Variants in MYT1 observed in about 807,000 individuals in gnomAD.
MYT1 encodes myelin transcription factor I.
Under a neutral mutation model 123.0 loss-of-function variants are expected in MYT1, and 23 were observed. That is an observed-to-expected ratio of 0.19 (90% CI 0.13 to 0.26). The LOEUF is 0.26. MYT1 is among the 10% of genes least tolerant of loss of function. MYT1 has a pLI of 1.00. For missense variants in MYT1, 1,125 were observed against 1,472.5 expected (o/e 0.76, Z 3.86); for synonymous variants, 518 against 575.3 (o/e 0.90, Z 1.43).
rs1190011293 is a variant in MYT1 at position 64,240,737 on chromosome 20, G to A, written c.*289G>A. ...GAAGAGCAGCTCAAAGTCTCCAGTGGAAGCTCATGGACAAGGTTCTCAGGG... is the reference window on the plus strand; with the variant it reads ...GAAGAGCAGCTCAAAGTCTCCAGTGAAAGCTCATGGACAAGGTTCTCAGGG... On this transcript the variant is annotated 3_prime_UTR_variant, in exon 23 of 23. Coordinates refer to ENST00000328439, the MANE Select transcript of MYT1 (RefSeq NM_004535.3). 6.1e-6 allele frequency: 2 copies of A among 329,464 alleles called. No individual in the cohort carries two copies. Among genetic ancestry groups the A allele is most frequent in the Non-Finnish European group, 1.1e-5 (2 of 179,904 alleles). The allele number at this position is 329,464 out of a possible 1,614,324, so 20.4% of individuals were successfully genotyped here.
intron 18 of MYT1, among the ~76,000 whole-genome samples, chr20:64,229,470 G>A (rs549838889): frequency 3.3e-5 from 5 of 152,300 alleles, no homozygotes; most frequent in Admixed American, 1.3e-4. Flanking sequence ...TTCTGCAGCC[G>A]AGTGGAGACT....
At position 64,186,175 on chromosome 20, in the gene MYT1, A is replaced by G. The variant is rs905376893; in HGVS notation, c.-98-3888A>G. Among the ~76,000 whole-genome samples, 1 of 151,868 alleles carries G rather than the reference A, an allele frequency of 6.6e-6. No homozygotes were observed. The highest frequency in any genetic ancestry group is 1.5e-5 in the Non-Finnish European group (1 of 67,958). ...TGCCCACAAGAGCCCCATAAAAGTG[A>G]GTGTGGGGCCACCATGGGGACAGAT... On this transcript the variant is annotated intron_variant, in intron 1 of 22. Coordinates refer to ENST00000328439, the MANE Select transcript of MYT1 (RefSeq NM_004535.3). The surrounding 1 kb of genome is among the most constrained non-coding windows in gnomAD (Gnocchi z 4.3).
intron 16 of MYT1, among the ~76,000 whole-genome samples, chr20:64,225,727 G>A (rs989706027): frequency 6.6e-6 from 1 of 152,138 alleles, no homozygotes; most frequent in Non-Finnish European, 1.5e-5. Context: ...GACCCTGGGG[G>A]TCCACAGAGC....
chr20:64,165,645 G>A (rs1215093287), intron 1 of MYT1, among the ~76,000 whole-genome samples: 2 of 152,138 alleles, frequency 1.3e-5, no homozygotes, highest in Admixed American at 1.3e-4. Flanking sequence ...TGAATCAGTG[G>A]ACACCATTGG....
At chr20:64,195,354 CTGTGTGTGTGTGTGTGTGTG>C (rs5741790) in intron 2 of MYT1, among the ~76,000 whole-genome samples, 7 of 98,846 alleles carry the variant, frequency 7.1e-5, no homozygotes, top group Non-Finnish European at 9.6e-5. Flanking sequence ...ATGGTGAGAA[CTGTGTGTGTGTGTGTGTGTG>C]TGTGTGTGTG....
chr20:64,220,884 C>T (rs1019343865), intron 13 of MYT1, among the ~76,000 whole-genome samples: 1 of 134,504 alleles, frequency 7.4e-6, no homozygotes, highest in Non-Finnish European at 1.6e-5. Context: ...GGATCAGGCC[C>T]CTATGAAGGG....
At chr20:64,183,910 T>G (rs538198179) in intron 1 of MYT1, among the ~76,000 whole-genome samples, 2 of 152,246 alleles carry the variant, frequency 1.3e-5, no homozygotes, top group South Asian at 4.1e-4. Flanking sequence ...AACCTCCACC[T>G]CCCAGGTTCA....
chr20:64,225,945 T>C (rs1473198501), intron 16 of MYT1, among the ~76,000 whole-genome samples: 2 of 152,190 alleles, frequency 1.3e-5, no homozygotes, highest in African/African-American at 4.8e-5. Flanking sequence ...GTATCTCCTC[T>C]GCTGTTGATG....
chr20:64,236,602 T>C lies in MYT1; in HGVS notation c.2945T>C (p.Leu982Pro). ...ACCTTTGCTGGAAAGAAGGGAAAAC[T>C]GTCAGGGGATGAGGTCCTCAGTCCA... ...RATFAGKKGK[L>P]SGDEVLSPKF... Residue 982 changes from leucine (L) to proline (P), a missense_variant, in exon 20 of 23, where the codon CTG (leucine) becomes CCG (proline). Leu to Pro is a moderately conservative substitution (Grantham distance 98). Transcript: ENST00000328439. The C allele has an allele frequency of 6.2e-7, 1 of 1,613,728 alleles. No individual in the cohort carries two copies. Among genetic ancestry groups the C allele is most frequent in the South Asian group, 1.1e-5 (1 of 91,082 alleles).
intron 1 of MYT1, among the ~76,000 whole-genome samples, chr20:64,180,353 G>A (rs1311628418): frequency 6.6e-6 from 1 of 152,156 alleles, no homozygotes; most frequent in Non-Finnish European, 1.5e-5. Context: ...TCATTCTAAG[G>A]TTCTGCCTTT....
At chr20:64,221,213 T>C (rs1002788310) in intron 13 of MYT1, among the ~76,000 whole-genome samples, 2 of 152,164 alleles carry the variant, frequency 1.3e-5, no homozygotes, top group African/African-American at 4.8e-5. Flanking sequence ...TGCGAGTGCC[T>C]GTCAGGACAG....
chr20:64,222,030 A>G lies in MYT1; in HGVS notation c.2379A>G (p.Ile793Met), dbSNP rs1292375400. 1 of 1,612,806 alleles carries G rather than the reference A, an allele frequency of 6.2e-7. No homozygotes were observed. The highest frequency in any genetic ancestry group is 8.5e-7 in the Non-Finnish European group (1 of 1,179,974). ...NFKLKFLSKD[I>M]KKELLTCPTP... ...AGCTGAAGTTTCTCTCCAAGGACAT[A>G]AAGAAGGAGCTGCTCACGTAAGTCC... Residue 793 changes from isoleucine to methionine, a missense_variant, in exon 14 of 23, where the codon ATA (isoleucine) becomes ATG (methionine). Transcript: ENST00000328439.
At chr20:64,229,405 A>G (rs1004181949) in intron 18 of MYT1, among the ~76,000 whole-genome samples, 9 of 152,198 alleles carry the variant, frequency 5.9e-5, no homozygotes, top group African/African-American at 2.2e-4. Context: ...TTAACCAGGA[A>G]AAATGGTTTT....
Position 64,167,521 on chromosome 20 carries a change from C to T in MYT1, c.-99+2782C>T, listed in dbSNP as rs1296260592. 6.6e-6 allele frequency among the ~76,000 whole-genome samples: 1 copy of T among 152,122 alleles called. No homozygotes were observed. The highest frequency in any genetic ancestry group is 1.5e-5 in the Non-Finnish European group (1 of 68,020). On this transcript the variant is annotated intron_variant, in intron 1 of 22. Transcript: ENST00000328439. The surrounding 1 kb of genome is among the most constrained non-coding windows in gnomAD (Gnocchi z 6.3). ...CTGTGGGGTGGGTGGGGGCTGCTGG[C>T]GGTCACCTGATCTGCGAGCAGGCAG...
chr20:64,215,759 GTT>G (rs5842445), intron 10 of MYT1, among the ~76,000 whole-genome samples: 4,869 of 139,962 alleles, frequency 0.035, 130 homozygotes, highest in Non-Finnish European at 0.048. Context: ...TTTTTTTTGC[GTT>G]TTTTTTTTTT....
chr20:64,182,342 A>T (rs1055543111), intron 1 of MYT1, among the ~76,000 whole-genome samples: 1 of 152,200 alleles, frequency 6.6e-6, no homozygotes, highest in Admixed American at 6.5e-5. Flanking sequence ...GCCAATACGC[A>T]CGCACAGGCA....
At chr20:64,221,692 G>A (rs985525568) in intron 13 of MYT1, among the ~76,000 whole-genome samples, 4 of 152,184 alleles carry the variant, frequency 2.6e-5, no homozygotes, top group African/African-American at 7.2e-5. Flanking sequence ...AAGCAGGGGA[G>A]GGATCCAGCC....
intron 16 of MYT1, among the ~76,000 whole-genome samples, chr20:64,226,510 G>A (rs994104503): frequency 6.6e-6 from 1 of 152,224 alleles, no homozygotes; most frequent in Non-Finnish European, 1.5e-5. Context: ...CTGGACACAA[G>A]CACTGAACTC....
At position 64,235,583 on chromosome 20, in the gene MYT1, C is replaced by T. The variant is rs550142097; in HGVS notation, c.2898-972C>T. Among the ~76,000 whole-genome samples, 1,099 of 143,904 alleles carry T rather than the reference C, an allele frequency of 7.6e-3. 6 individuals carry two copies. The highest frequency in any genetic ancestry group is 9.6e-3 in the Non-Finnish European group (633 of 66,108). 94.4% of individuals were successfully genotyped at this position (143,904 alleles called of 152,430 possible). A position where few individuals can be genotyped will look rare whatever the true frequency, so the allele number is the denominator to read the frequency against. ...CCCGGGATGGTCATGGTGTGTGACC[C>T]GGGGCTGGCCATGGTGGGTGACCCC... is the stretch of plus-strand genomic sequence containing the variant. On this transcript the variant is annotated intron_variant, in intron 19 of 22. Transcript: ENST00000328439.
Sources: gnomAD v4.1 joint callset for allele counts (sites outside exome capture counted in the v4.1 genomes callset) on GRCh38, gnomAD v4.1.1 for gene constraint, Gnocchi (gnomAD v3.1) non-coding constraint, MANE v1.5 for transcripts, NCBI Gene and HGNC (gene_info 2026-07-23, HGNC 2026-07-21) for gene names.